AGO3: variants seen among roughly 807,000 people sequenced by gnomAD.
AGO3 encodes protein argonaute-3.
In AGO3, 16 loss-of-function variants were observed where a neutral mutation model predicts 105.5. The ratio of observed to expected loss-of-function variants is 0.15; its 90% CI spans 0.10 to 0.23. AGO3 has a LOEUF of 0.23. Among genes scored for constraint, AGO3 ranks in the 10% least tolerant of loss-of-function variants. AGO3 has a pLI of 1.00. For missense variants in AGO3, 534 were observed against 1,088.0 expected (o/e 0.49, Z 7.16); for synonymous variants, 340 against 367.3 (o/e 0.93, Z 0.85).
upstream of AGO3, chr1:35,930,771 T>G (rs377407730): frequency 8.1e-3 from 1,250 of 155,048 alleles, 16 homozygotes; most frequent in African/African-American, 0.029. Flanking sequence ...TCCGCGGCAG[T>G]TCGGGGTCCT....
rs1020978217 is a variant in AGO3, at chr1:36,052,423, A to G, written c.2275-2523A>G. On this transcript the variant is annotated intron_variant, in intron 17 of 18. Coordinates refer to ENST00000373191, the MANE Select transcript of AGO3 (RefSeq NM_024852.4). ...GGCAGGAAAGGGAGGGGGATTACCA[A>G]AGACTGGTTAACAGATACAAAATTA... Among the ~76,000 whole-genome samples the G allele has an allele frequency of 1.2e-4, 19 of 152,286 alleles. 1 individual carries two copies. Among genetic ancestry groups the G allele is most frequent in the Middle Eastern group, 6.8e-3 (2 of 294 alleles).
intron 1 of AGO3, among the ~76,000 whole-genome samples, chr1:35,934,667 G>A (rs1286897143): frequency 6.6e-6 from 1 of 151,872 alleles, no homozygotes; most frequent in East Asian, 1.9e-4. Context: ...TTTTTTTTGA[G>A]ATGGAGTCTT....
chr1:36,069,048 G>GTTTCC lies in AGO3; in HGVS notation c.*13304_*13308dup, dbSNP rs1432919430. 2 of 152,190 alleles carry GTTTCC rather than the reference G, an allele frequency of 1.3e-5. No homozygotes were observed. Among genetic ancestry groups the GTTTCC allele is most frequent in the African/African-American group, 4.8e-5 (2 of 41,434 alleles). 9.4% of individuals were successfully genotyped at this position (152,190 alleles called of 1,614,324 possible). ...AATTCGTTTAATCTCTGTGTGCCTA[G>GTTTCC]TTTCCCCTTGTAAATAAGAGTGGTA... On this transcript the variant is annotated 3_prime_UTR_variant, in exon 19 of 19. Coordinates refer to ENST00000373191, the MANE Select transcript of AGO3 (RefSeq NM_024852.4).
chr1:36,039,793 G>A lies in AGO3; in HGVS notation c.1846G>A (p.Val616Ile). 1 of 1,499,934 alleles carries A rather than the reference G, an allele frequency of 6.7e-7. No homozygotes were observed. The highest frequency in any genetic ancestry group is 8.9e-7 in the Non-Finnish European group (1 of 1,121,888). The allele number at this position is 1,499,934 out of a possible 1,614,324, so 92.9% of individuals were successfully genotyped here. A position where few individuals can be genotyped will look rare whatever the true frequency, so the allele number is the denominator to read the frequency against. The change falls in exon 15 of 19, where the codon GTA (valine) becomes ATA (isoleucine). Residue 616 changes from valine (V) to isoleucine (I), a missense_variant. Around this residue, in one of 2 missense-constraint regions of AGO3, gnomAD observed 373 missense variants for 854.0 expected, o/e 0.44. Transcript: ENST00000373191. ...TATTTTACTTTTTCTAACCTAGGTTGTAGGTAGTATGGATGCACACCCAAG... is the reference window on the plus strand; with the variant it reads ...TATTTTACTTTTTCTAACCTAGGTTATAGGTAGTATGGATGCACACCCAAG... ...DGKKPSIAAV[V>I]GSMDAHPSRY...
In AGO3 at chr1:35,948,216, A is replaced by ATT. The variant is rs926949293; in HGVS notation, c.191+2371_191+2372dup. 5.2e-4 allele frequency among the ~76,000 whole-genome samples: 71 copies of ATT among 135,318 alleles called. 1 individual carries two copies. Among genetic ancestry groups the ATT allele is most frequent in the South Asian group, 1.2e-3 (5 of 4,158 alleles). 88.8% of individuals were successfully genotyped at this position (135,318 alleles called of 152,430 possible). A position where few individuals can be genotyped will look rare whatever the true frequency, so the allele number is the denominator to read the frequency against. On this transcript the variant is annotated intron_variant, in intron 2 of 18. Transcript: ENST00000373191. ...AAAAATATTAAGTAAAAGGAACAGA[A>ATT]TTTTTTTTTTTTTTTTTTTGCAACA...
intron 12 of AGO3, among the ~76,000 whole-genome samples, chr1:36,028,373 A>C (rs1641604342): frequency 1.4e-5 from 2 of 142,690 alleles, no homozygotes; most frequent in Admixed American, 7.1e-5. Flanking sequence ...CATTAGATGT[A>C]TCTCCCAATG....
At chr1:35,947,541 A>C (rs1247189180) in intron 2 of AGO3, among the ~76,000 whole-genome samples, 1 of 152,084 alleles carries the variant, frequency 6.6e-6, no homozygotes, top group East Asian at 1.9e-4. Flanking sequence ...TTGTCACCCC[A>C]TGTCAGCTCA....
At position 36,036,192 on chromosome 1, in the gene AGO3, G is replaced by A. The variant is rs1422161137; in HGVS notation, c.1767G>A (p.Gln589=). 20 of 1,614,082 alleles carry A rather than the reference G, an allele frequency of 1.2e-5. No individual in the cohort carries two copies. Among genetic ancestry groups the A allele is most frequent in the Non-Finnish European group, 1.7e-5 (20 of 1,179,992 alleles). The part of the protein sequence containing the change: ...LVPHQRPSVF[Q]QPVIFLGADV... Reference sequence around the variant, plus strand: ...TGTGTTTAAGACCTTCTGTGTTCCAGCAACCAGTGATCTTTTTGGGAGCCG... The same window carrying A: ...TGTGTTTAAGACCTTCTGTGTTCCAACAACCAGTGATCTTTTTGGGAGCCG... The change falls in exon 14 of 19, where the codon CAG becomes CAA. Residue 589 remains glutamine, a synonymous_variant. Transcript: ENST00000373191.
intron 1 of AGO3, among the ~76,000 whole-genome samples, chr1:35,936,357 TA>T (rs894468408): frequency 1.1e-4 from 16 of 152,134 alleles, no homozygotes; most frequent in African/African-American, 3.9e-4. Context: ...TTGGTTATAA[TA>T]AAAAAAAGTG....
intron 1 of AGO3, among the ~76,000 whole-genome samples, chr1:35,932,607 A>G (rs1571397512): frequency 6.6e-6 from 1 of 150,866 alleles, no homozygotes; most frequent in East Asian, 1.9e-4. Flanking sequence ...TTCTCTAATC[A>G]ATTTAGACCA....
At chr1:35,995,209 A>AAAAAAAATAT (rs1237315557) in intron 5 of AGO3, among the ~76,000 whole-genome samples, 4 of 114,740 alleles carry the variant, frequency 3.5e-5, no homozygotes, top group African/African-American at 1.5e-4. Context: ...TAAAAAAAAA[A>AAAAAAAATAT]ATATATATAT....
At chr1:35,997,281 C>CA (rs1639874348) in intron 5 of AGO3, among the ~76,000 whole-genome samples, 3 of 150,414 alleles carry the variant, frequency 2.0e-5, no homozygotes, top group Non-Finnish European at 4.4e-5. Context: ...TCCATCTCAG[C>CA]AAAAAAAGAA....
At chr1:35,983,373 A>G (rs1647091684) in intron 5 of AGO3, 1 of 149,564 alleles carries the variant, frequency 6.7e-6, no homozygotes, top group African/African-American at 2.5e-5. Flanking sequence ...GGAGTTTGCG[A>G]TCAGGCTGAA....
At position 35,959,017 on chromosome 1, in the gene AGO3, G is replaced by A. The variant is rs371445407; in HGVS notation, c.192-7938G>A. ...TAATATTTTTCATTCTGTCTTTTGG[G>A]AGCAGAGAATTAAGAGGTACCTAAT... On this transcript the variant is annotated intron_variant, in intron 2 of 18. Coordinates refer to ENST00000373191, the MANE Select transcript of AGO3 (RefSeq NM_024852.4). Among the ~76,000 whole-genome samples the A allele has an allele frequency of 1.1e-4, 17 of 152,206 alleles. No individual in the cohort carries two copies. In the East Asian group the frequency reaches 1.5e-3, roughly 14 times the overall value.
intron 1 of AGO3, among the ~76,000 whole-genome samples, chr1:35,941,453 G>A (rs1260843478): frequency 2.0e-5 from 3 of 151,986 alleles, no homozygotes; most frequent in African/African-American, 7.3e-5. Flanking sequence ...AGAACTCAGA[G>A]GGCTGACACT....
chr1:35,931,578 C>T (rs1646049301), intron 1 of AGO3, 133 bp downstream of exon 1: 1 of 1,019,094 alleles, frequency 9.8e-7, no homozygotes, highest in Admixed American at 4.3e-5. Flanking sequence ...CCGCCCCTCG[C>T]CCTGCTCCTC....
Position 35,973,381 on chromosome 1 carries a change from A to G in AGO3, c.528A>G (p.Thr176=), listed in dbSNP as rs2148775945. 6.5e-7 allele frequency: 1 copy of G among 1,530,220 alleles called. No homozygotes were observed. Among genetic ancestry groups the G allele is most frequent in the Non-Finnish European group, 8.8e-7 (1 of 1,132,326 alleles). 94.8% of individuals were successfully genotyped at this position (1,530,220 alleles called of 1,614,324 possible). A position where few individuals can be genotyped will look rare whatever the true frequency, so the allele number is the denominator to read the frequency against. The change falls in exon 5 of 19, where the codon ACA becomes ACG. Residue 176 remains threonine (T), a synonymous_variant. Coordinates refer to ENST00000373191, the MANE Select transcript of AGO3 (RefSeq NM_024852.4). The stretch of plus-strand genomic sequence containing the variant: ...GCCATTTTAATTTTTGTAGATACAC[A>G]CCTGTGGGGCGTTCATTTTTCTCCG... ...VLRHLPSMKY[T]PVGRSFFSAP... is the part of the protein sequence containing the mutation.
At chr1:35,977,032 A>G (rs1646967150) in intron 5 of AGO3, among the ~76,000 whole-genome samples, 1 of 151,992 alleles carries the variant, frequency 6.6e-6, no homozygotes, top group African/African-American at 2.4e-5. Context: ...AGCTGTTTTA[A>G]AACTTCCCTC....
At chr1:36,050,038 G>A (rs1642640752) in intron 17 of AGO3, among the ~76,000 whole-genome samples, 1 of 152,124 alleles carries the variant, frequency 6.6e-6, no homozygotes. Context: ...AGAAACATTG[G>A]ATTTAAAATA....
Sources: allele counts gnomAD v4.1 joint callset (sites outside exome capture counted in the v4.1 genomes callset), GRCh38; gene constraint gnomAD v4.1.1; regional missense constraint gnomAD v4.1.1; transcripts MANE v1.5; gene names NCBI Gene and HGNC (gene_info 2026-07-23, HGNC 2026-07-21).